The following EPB41L4A variants were observed in gnomAD, a reference collection of about 807,000 sequenced individuals.
EPB41L4A encodes erythrocyte membrane protein band 4.1 like 4A.
In EPB41L4A, 100 loss-of-function variants were observed where a neutral mutation model predicts 108.6. The ratio of observed to expected loss-of-function variants is 0.92; its 90% CI spans 0.78 to 1.09. The LOEUF is 1.09. EPB41L4A is among the 50% of genes least tolerant of loss of function. EPB41L4A has a pLI of 0.00. For missense variants in EPB41L4A, 1,030 were observed against 842.7 expected (o/e 1.22, Z -2.75); for synonymous variants, 319 against 289.0 (o/e 1.10, Z -1.05).
chr5:112,293,986 TCATA>T lies in EPB41L4A; in HGVS notation c.204+13396_204+13399del, dbSNP rs138106601. On this transcript the variant is annotated intron_variant, in intron 2 of 22. Transcript: ENST00000261486. ...TTTTTTAAAATCATGGGATCCACCATCATACAGTTACACATGACATTGTTTGAAC... is the reference window on the plus strand; with the variant it reads ...TTTTTTAAAATCATGGGATCCACCATCAGTTACACATGACATTGTTTGAAC... 5.3e-3 allele frequency among the ~76,000 whole-genome samples: 803 copies of T among 152,346 alleles called. 7 individuals are homozygous for T. Among genetic ancestry groups the T allele is most frequent in the African/African-American group, 0.018 (760 of 41,580 alleles).
chr5:112,389,397 G>A (rs1760781725), intron 1 of EPB41L4A, among the ~76,000 whole-genome samples: 1 of 152,172 alleles, frequency 6.6e-6, no homozygotes, highest in Admixed American at 6.6e-5. Context: ...CCATGCTAAA[G>A]TTCCAGGTCA....
intron 4 of EPB41L4A, among the ~76,000 whole-genome samples, chr5:112,274,160 G>A (rs1561531509): frequency 6.6e-6 from 1 of 151,878 alleles, no homozygotes; most frequent in Non-Finnish European, 1.5e-5. Context: ...CACACCTGTA[G>A]TCCCAGCTAC....
intron 1 of EPB41L4A, among the ~76,000 whole-genome samples, chr5:112,385,507 C>CAAA (rs201988960): frequency 1.3e-5 from 1 of 75,534 alleles, no homozygotes; most frequent in African/African-American, 3.6e-5. Flanking sequence ...TGGTTATTTT[C>CAAA]AAAAAAAAAA....
intron 18 of EPB41L4A, among the ~76,000 whole-genome samples, chr5:112,182,839 A>G (rs543116720): frequency 6.6e-6 from 1 of 151,902 alleles, no homozygotes; most frequent in South Asian, 2.1e-4. Flanking sequence ...AACAAAGGAA[A>G]TCTTCATTAA....
At chr5:112,371,151 A>T (rs144651969) in intron 1 of EPB41L4A, among the ~76,000 whole-genome samples, 2,600 of 152,324 alleles carry the variant, frequency 0.017, 59 homozygotes, top group African/African-American at 0.059. Flanking sequence ...TTATGTGTGT[A>T]TACCCTTGTG....
At chr5:112,304,311 A>C in intron 2 of EPB41L4A, among the ~76,000 whole-genome samples, 1 of 152,174 alleles carries the variant, frequency 6.6e-6, no homozygotes, top group Non-Finnish European at 1.5e-5. Context: ...TAATCTGTAA[A>C]GGAGCCTCAG....
intron 6 of EPB41L4A, 87 bp from the exon 7 acceptor site, chr5:112,262,668 G>A: frequency 9.2e-7 from 1 of 1,091,168 alleles, no homozygotes; most frequent in Non-Finnish European, 1.4e-6. Context: ...GTATTCAATG[G>A]GAAAACAAAT....
chr5:112,338,333 C>A (rs897157116), intron 1 of EPB41L4A, among the ~76,000 whole-genome samples: 3 of 152,076 alleles, frequency 2.0e-5, no homozygotes, highest in Non-Finnish European at 4.4e-5. Context: ...GTGGGGAGCC[C>A]TTTCTCCCTG....
intron 9 of EPB41L4A, among the ~76,000 whole-genome samples, chr5:112,245,224 C>G (rs1247291956): frequency 2.0e-5 from 3 of 152,098 alleles, no homozygotes; most frequent in African/African-American, 7.2e-5. Context: ...CAATAAACCA[C>G]AAGCTCTGTG....
intron 2 of EPB41L4A, among the ~76,000 whole-genome samples, chr5:112,305,324 T>C (rs1754617114): frequency 6.6e-6 from 1 of 152,164 alleles, no homozygotes; most frequent in South Asian, 2.1e-4. Context: ...TGGAGAATGA[T>C]GAGTTCCGGG....
At chr5:112,324,722 A>T (rs1756032791) in intron 1 of EPB41L4A, among the ~76,000 whole-genome samples, 1 of 61,232 alleles carries the variant, frequency 1.6e-5, no homozygotes, top group South Asian at 4.3e-4. Context: ...AGTCTGTCTA[A>T]AAAAAAAAAA....
At chr5:112,365,336 T>A (rs1371250660) in intron 1 of EPB41L4A, among the ~76,000 whole-genome samples, 1 of 152,158 alleles carries the variant, frequency 6.6e-6, no homozygotes, top group Non-Finnish European at 1.5e-5. Context: ...TAGCTGAGTC[T>A]CCAGGCACAC....
chr5:112,419,270 G>A lies in EPB41L4A; in HGVS notation c.-231C>T, dbSNP rs1561662344. ...CCCGGGAGCCGCCGGGGAAGCGCCG[G>A]CGGAACTGGGCGCGGAGGGCGGTGG... On this transcript the variant is annotated 5_prime_UTR_variant, in exon 1 of 23. Transcript: ENST00000261486. The A allele has an allele frequency of 2.6e-6, 1 of 385,636 alleles. No individual in the cohort carries two copies. The highest frequency in any genetic ancestry group is 4.6e-6 in the Non-Finnish European group (1 of 215,886). 23.9% of individuals were successfully genotyped at this position (385,636 alleles called of 1,614,324 possible).
chr5:112,222,999 T>G (rs558339185), intron 12 of EPB41L4A, among the ~76,000 whole-genome samples: 2 of 151,296 alleles, frequency 1.3e-5, no homozygotes, highest in Non-Finnish European at 2.9e-5. Context: ...TGGAGTGCAG[T>G]GGCACAATCC....
chr5:112,384,170 G>A (rs1171648737), intron 1 of EPB41L4A, among the ~76,000 whole-genome samples: 1 of 152,136 alleles, frequency 6.6e-6, no homozygotes, highest in Non-Finnish European at 1.5e-5. Context: ...GTTATAAATT[G>A]ACTGTGGTGA....
At chr5:112,253,442 T>G (rs1164373813) in intron 9 of EPB41L4A, among the ~76,000 whole-genome samples, 1 of 152,180 alleles carries the variant, frequency 6.6e-6, no homozygotes, top group African/African-American at 2.4e-5. Context: ...GCTATGAAAG[T>G]GTTCCAGATT....
chr5:112,313,016 CTTCA>C (rs959148770), intron 1 of EPB41L4A, among the ~76,000 whole-genome samples: 3 of 152,312 alleles, frequency 2.0e-5, no homozygotes, highest in African/African-American at 7.2e-5. Context: ...AAACACATGA[CTTCA>C]TTCATTGAAA....
chr5:112,397,869 C>G (rs978581528), intron 1 of EPB41L4A, among the ~76,000 whole-genome samples: 1 of 152,136 alleles, frequency 6.6e-6, no homozygotes, highest in Admixed American at 6.6e-5. Context: ...AGGATTTGAC[C>G]GCAGTTTTCC....
At chr5:112,175,434 G>A (rs1760811803) in intron 18 of EPB41L4A, 1 of 152,130 alleles carries the variant, frequency 6.6e-6, no homozygotes, top group Non-Finnish European at 1.5e-5. Flanking sequence ...AAACAGTTTT[G>A]TATTTTATAC....
Sources: gnomAD v4.1 joint callset for allele counts (sites outside exome capture counted in the v4.1 genomes callset) on GRCh38, gnomAD v4.1.1 for gene constraint, MANE v1.5 for transcripts, NCBI Gene and HGNC (gene_info 2026-07-23, HGNC 2026-07-21) for gene names.